The following BCL2L13 variants were observed in gnomAD, a reference collection of about 807,000 sequenced individuals.
The protein encoded by BCL2L13 is bcl-2-like protein 13.
Under a neutral mutation model 25.8 loss-of-function variants are expected in BCL2L13, and 13 were observed. The observed-to-expected ratio is 0.50, with a 90% confidence interval of 0.33 to 0.80. BCL2L13 has a LOEUF of 0.80. BCL2L13 is among the 30% of genes least tolerant of loss of function. The probability of loss-of-function intolerance (pLI) is 0.02; values close to 1 mark genes in which losing one functional copy is unlikely to be tolerated. For missense variants in BCL2L13, 504 were observed against 574.9 expected (o/e 0.88, Z 1.26); for synonymous variants, 244 against 230.3 (o/e 1.06, Z -0.54).
At chr22:17,663,348 G>A (rs907051233) in intron 2 of BCL2L13, among the ~76,000 whole-genome samples, 2 of 152,148 alleles carry the variant, frequency 1.3e-5, no homozygotes, top group African/African-American at 4.8e-5. Flanking sequence ...AATGTAACTA[G>A]TTGGTGTGTC....
At chr22:17,712,221 C>G (rs1485052682) in intron 6 of BCL2L13, among the ~76,000 whole-genome samples, 1 of 152,106 alleles carries the variant, frequency 6.6e-6, no homozygotes, top group Non-Finnish European at 1.5e-5. Context: ...TATTAACTTT[C>G]CCAACTTGTT....
At chr22:17,661,134 C>G (rs1037206671) in intron 2 of BCL2L13, among the ~76,000 whole-genome samples, 1 of 141,024 alleles carries the variant, frequency 7.1e-6, no homozygotes, top group Non-Finnish European at 1.6e-5. Flanking sequence ...ATTTTGTCAC[C>G]CAGGTTAGAG....
chr22:17,649,678 T>C, intron 1 of BCL2L13, among the ~76,000 whole-genome samples: 1 of 148,244 alleles, frequency 6.7e-6, no homozygotes, highest in East Asian at 2.1e-4. Flanking sequence ...AATTTTTGTA[T>C]TTTTAGTAGA....
At chr22:17,692,003 TG>T (rs1346518679) in intron 4 of BCL2L13, among the ~76,000 whole-genome samples, 1 of 152,244 alleles carries the variant, frequency 6.6e-6, no homozygotes, top group East Asian at 1.9e-4. Context: ...TTTTAAGCTC[TG>T]TTACTAGTAC....
At chr22:17,696,450 A>G (rs2060266811) in intron 5 of BCL2L13, among the ~76,000 whole-genome samples, 1 of 151,948 alleles carries the variant, frequency 6.6e-6, no homozygotes, top group African/African-American at 2.4e-5. Context: ...TTTTCCCATC[A>G]TTTCTTCATT....
chr22:17,708,776 C>T (rs1049648350), intron 6 of BCL2L13, among the ~76,000 whole-genome samples: 5 of 152,170 alleles, frequency 3.3e-5, no homozygotes, highest in African/African-American at 9.7e-5. Flanking sequence ...CAGATACTCT[C>T]AACAACACAA....
intron 1 of BCL2L13, among the ~76,000 whole-genome samples, chr22:17,644,809 T>TC (rs1447787993): frequency 2.7e-5 from 4 of 150,250 alleles, no homozygotes; most frequent in African/African-American, 7.4e-5. Context: ...GGAATTTCTT[T>TC]TTTTTTTTTT....
At chr22:17,684,350 G>A (rs1051167554) in intron 3 of BCL2L13, among the ~76,000 whole-genome samples, 2 of 152,092 alleles carry the variant, frequency 1.3e-5, no homozygotes, top group African/African-American at 4.8e-5. Context: ...TTCAGTGGTT[G>A]TAGTGTATTC....
chr22:17,685,922 C>T (rs2059923867), intron 3 of BCL2L13, among the ~76,000 whole-genome samples: 2 of 151,234 alleles, frequency 1.3e-5, no homozygotes. Context: ...CAGTGCCCAC[C>T]ACCACACCCA....
intron 2 of BCL2L13, among the ~76,000 whole-genome samples, chr22:17,663,442 C>T (rs557283385): frequency 1.3e-5 from 2 of 152,120 alleles, no homozygotes; most frequent in Admixed American, 6.6e-5. Flanking sequence ...ACTAAAAGGT[C>T]ATAAAACATC....
In BCL2L13 at chr22:17,659,529, C is replaced by T. The variant is rs926524536; in HGVS notation, c.121+3697C>T. 2.8e-5 allele frequency among the ~76,000 whole-genome samples: 4 copies of T among 145,018 alleles called. 1 individual carries two copies. Among genetic ancestry groups the T allele is most frequent in the Non-Finnish European group, 6.3e-5 (4 of 63,820 alleles). On this transcript the variant is annotated intron_variant, in intron 2 of 6. Transcript: ENST00000317582. ...ACAAAATATTAGCTGGGTGTGGTGG[C>T]GGGTGCCTGTAGTCCCAGCTACTTA... is the stretch of plus-strand genomic sequence containing the variant.
At chr22:17,719,827 CAAAAA>C (rs60474373) in intron 6 of BCL2L13, among the ~76,000 whole-genome samples, 2 of 91,096 alleles carry the variant, frequency 2.2e-5, no homozygotes, top group Admixed American at 1.4e-4. Flanking sequence ...GACTCCATCT[CAAAAA>C]AAAAAAAAAA....
chr22:17,687,238 G>C (rs1447151238), intron 3 of BCL2L13, among the ~76,000 whole-genome samples: 1 of 152,212 alleles, frequency 6.6e-6, no homozygotes, highest in Non-Finnish European at 1.5e-5. Context: ...TCTGGAACAA[G>C]TTACTCTGCT....
At chr22:17,696,385 C>T (rs900406982) in intron 5 of BCL2L13, among the ~76,000 whole-genome samples, 175 bp downstream of exon 5, 9 of 152,170 alleles carry the variant, frequency 5.9e-5, no homozygotes, top group Non-Finnish European at 1.3e-4. Flanking sequence ...CTGCAAGGTC[C>T]TGCTTGGCTC....
intron 2 of BCL2L13, among the ~76,000 whole-genome samples, chr22:17,670,148 A>G (rs907788116): frequency 1.2e-4 from 19 of 152,176 alleles, no homozygotes; most frequent in African/African-American, 4.3e-4. Context: ...ATACCATACT[A>G]TTTTTATTGC....
At chr22:17,691,833 A>G (rs1854589704) in intron 4 of BCL2L13, among the ~76,000 whole-genome samples, 2 of 152,160 alleles carry the variant, frequency 1.3e-5, no homozygotes, top group South Asian at 4.1e-4. Flanking sequence ...TTTATGATCT[A>G]CAGGAAAAAT....
At chr22:17,706,849 C>G in intron 6 of BCL2L13, 1 of 1,350,316 alleles carries the variant, frequency 7.4e-7, no homozygotes, top group Non-Finnish European at 9.8e-7. Context: ...TTTACTTTCT[C>G]CGTCGTCACA....
intron 2 of BCL2L13, 46 bp downstream of exon 2, chr22:17,655,878 C>G: frequency 6.5e-7 from 1 of 1,532,190 alleles, no homozygotes; most frequent in Non-Finnish European, 8.9e-7. Context: ...GTAATAAGGA[C>G]TTTATATATA....
At chr22:17,637,478 G>A (rs1016612439), upstream of BCL2L13, among the ~76,000 whole-genome samples, 25 of 150,484 alleles carry the variant, frequency 1.7e-4, no homozygotes, top group Non-Finnish European at 1.6e-4. Context: ...AGGCTCAAGC[G>A]ATTCTCCTGC....
Sources: allele counts gnomAD v4.1 joint callset (sites outside exome capture counted in the v4.1 genomes callset), GRCh38; gene constraint gnomAD v4.1.1; transcripts MANE v1.5; gene names NCBI Gene and HGNC (gene_info 2026-07-23, HGNC 2026-07-21).